The following GAB3 variants were observed in gnomAD, a reference collection of about 807,000 sequenced individuals.
GAB3 encodes GRB2-associated-binding protein 3.
Under a neutral mutation model 40.4 loss-of-function variants are expected in GAB3, and 12 were observed. The observed-to-expected ratio is 0.30, with a 90% confidence interval of 0.19 to 0.48. The LOEUF (loss-of-function observed/expected upper bound fraction) is 0.48. Among genes scored for constraint, GAB3 ranks in the 20% least tolerant of loss-of-function variants. The pLI is 0.99. For missense variants in GAB3, 381 were observed against 461.9 expected (o/e 0.82, Z 1.61); for synonymous variants, 154 against 176.7 (o/e 0.87, Z 1.02).
intron 1 of GAB3, among the ~76,000 whole-genome samples, chrX:154,743,079 G>C (rs1482502374): frequency 9.3e-6 from 1 of 107,608 alleles, no homozygotes; most frequent in African/African-American, 3.4e-5. Context: ...CTGTGGAATG[G>C]GTTCCCAGGA....
intron 8 of GAB3, among the ~76,000 whole-genome samples, chrX:154,690,392 G>A (rs1603423155): frequency 8.9e-6 from 1 of 112,107 alleles, no homozygotes; most frequent in Non-Finnish European, 1.9e-5. Context: ...AAAAGCAATG[G>A]CAACCAAAGC....
rs2070323959 is a variant in GAB3, at chrX:154,678,172, C to CA, written c.*5dup. The CA allele has an allele frequency of 3.8e-6, 4 of 1,046,717 alleles. No homozygotes were observed. The highest frequency in any genetic ancestry group is 5.3e-6 in the Non-Finnish European group (4 of 751,247). The allele number at this position is 1,046,717 out of a possible 1,213,427, so 86.3% of individuals were successfully genotyped here. ...CTGTTTCACACATGGCACAAGCCCGCACCTCTCATACTTTGGATTGCCTTT... is the reference window on the plus strand; with the variant it reads ...CTGTTTCACACATGGCACAAGCCCGCAACCTCTCATACTTTGGATTGCCTTT... On this transcript the variant is annotated 3_prime_UTR_variant, in exon 10 of 10. Transcript: ENST00000424127.
intron 1 of GAB3, among the ~76,000 whole-genome samples, chrX:154,724,736 A>C (rs1169223709): frequency 8.9e-6 from 1 of 112,547 alleles, no homozygotes; most frequent in Non-Finnish European, 1.9e-5. Context: ...GTTTAATCCC[A>C]TTCTTCTGAG....
chrX:154,710,190 G>C (rs1557255292), intron 4 of GAB3, among the ~76,000 whole-genome samples: 1 of 111,713 alleles, frequency 9.0e-6, no homozygotes. Flanking sequence ...CTACAGAAAT[G>C]GAAGCATATT....
intron 1 of GAB3, among the ~76,000 whole-genome samples, chrX:154,724,407 G>A (rs782228414): frequency 9.0e-6 from 1 of 111,236 alleles, no homozygotes; most frequent in Non-Finnish European, 1.9e-5. Flanking sequence ...CAATGTGACT[G>A]TTGGCCCCCA....
At chrX:154,692,020 A>C (rs2070578362) in intron 8 of GAB3, among the ~76,000 whole-genome samples, 1 of 112,091 alleles carries the variant, frequency 8.9e-6, no homozygotes, top group Non-Finnish European at 1.9e-5. Flanking sequence ...TTAACTCAAA[A>C]AAGATCAAAG....
rs1158962125 is a variant in GAB3, at chrX:154,689,568, T to C, written c.1530+6349A>G. ...AAGCTGATAAGCAACTTCAGCAAAG[T>C]CTCAGGATACAAAATCAATGTGCAA... On this transcript the variant is annotated intron_variant, in intron 8 of 9. Coordinates refer to ENST00000424127, the MANE Select transcript of GAB3 (RefSeq NM_001081573.3). Among the ~76,000 whole-genome samples the C allele has an allele frequency of 1.2e-4, 13 of 109,881 alleles. No homozygotes were observed. The East Asian group carries it at 2.6e-3, about 22-fold the overall frequency.
intron 1 of GAB3, among the ~76,000 whole-genome samples, chrX:154,744,541 T>C (rs1357362247): frequency 1.8e-5 from 2 of 111,869 alleles, no homozygotes; most frequent in African/African-American, 6.5e-5. Flanking sequence ...TAAAAACAAA[T>C]AGAACTGGAG....
chrX:154,691,297 T>C (rs782662038), intron 8 of GAB3, among the ~76,000 whole-genome samples: 1 of 100,500 alleles, frequency 1.0e-5, no homozygotes, highest in African/African-American at 3.6e-5. Context: ...AGGGATAGCA[T>C]TGGGAGATAT....
Position 154,736,327 on chromosome X carries a change from T to A in GAB3, c.72+14627A>T, listed in dbSNP as rs185667807. Among the ~76,000 whole-genome samples, 7 of 112,555 alleles carry A rather than the reference T, an allele frequency of 6.2e-5. No individual in the cohort carries two copies. The East Asian group carries it at 1.9e-3, about 31-fold the overall frequency. ...AGAAATAGAATCTCACCATTTGTAA[T>A]CCTTAATGAATTAATCAATTTAAGC... On this transcript the variant is annotated intron_variant, in intron 1 of 9. Coordinates refer to ENST00000424127, the MANE Select transcript of GAB3 (RefSeq NM_001081573.3).
intron 4 of GAB3, among the ~76,000 whole-genome samples, chrX:154,707,746 T>C (rs2070834090): frequency 1.8e-5 from 2 of 111,577 alleles, no homozygotes; most frequent in Non-Finnish European, 3.8e-5. Context: ...CAAGGGTTGT[T>C]AAAGAAAAAA....
At chrX:154,698,462 A>G (rs1031816012) in intron 6 of GAB3, among the ~76,000 whole-genome samples, 12 of 112,058 alleles carry the variant, frequency 1.1e-4, no homozygotes, top group African/African-American at 3.9e-4. Flanking sequence ...TAGACCAGGC[A>G]TGAGTAGGGG....
intron 8 of GAB3, among the ~76,000 whole-genome samples, chrX:154,685,630 G>A (rs946476774): frequency 2.7e-5 from 3 of 111,075 alleles, no homozygotes; most frequent in Admixed American, 9.6e-5. Context: ...CCTAGAGGAA[G>A]GTAAACAAAG....
chrX:154,749,481 A>G (rs1391283605), intron 1 of GAB3, among the ~76,000 whole-genome samples: 4 of 112,338 alleles, frequency 3.6e-5, no homozygotes, highest in Non-Finnish European at 7.5e-5. Context: ...TGATGGGAGC[A>G]GGTTTTCTTC....
At chrX:154,751,284 C>CGGG (rs1247944998), upstream of GAB3, among the ~76,000 whole-genome samples, 33 of 52,163 alleles carry the variant, frequency 6.3e-4, no homozygotes, top group Admixed American at 1.5e-3. Flanking sequence ...CGGCTGTGCC[C>CGGG]GGGGGGGGGG....
chrX:154,729,904 A>G (rs1337975095), intron 1 of GAB3, among the ~76,000 whole-genome samples: 6 of 111,991 alleles, frequency 5.4e-5, no homozygotes, highest in Non-Finnish European at 1.1e-4. Context: ...ATTATTTGAA[A>G]TTAAAGAAGA....
chrX:154,705,216 G>A (rs1199089922), intron 4 of GAB3, among the ~76,000 whole-genome samples: 1 of 111,222 alleles, frequency 9.0e-6, no homozygotes, highest in Non-Finnish European at 1.9e-5. Context: ...GATGAACATA[G>A]ATGCAAAATC....
At chrX:154,738,842 G>A (rs1328042782) in intron 1 of GAB3, among the ~76,000 whole-genome samples, 2 of 111,982 alleles carry the variant, frequency 1.8e-5, no homozygotes, top group Non-Finnish European at 3.8e-5. Context: ...CAGAATCTAA[G>A]TGGCAATCTG....
chrX:154,685,745 T>C (rs1056811981), intron 8 of GAB3, among the ~76,000 whole-genome samples: 5 of 111,415 alleles, frequency 4.5e-5, no homozygotes, highest in African/African-American at 1.3e-4. Flanking sequence ...GAATTAAGAG[T>C]CCATAAAAAA....
Sources: allele counts gnomAD v4.1 joint callset (sites outside exome capture counted in the v4.1 genomes callset), GRCh38; gene constraint gnomAD v4.1.1; transcripts MANE v1.5; gene names NCBI Gene and HGNC (gene_info 2026-07-23, HGNC 2026-07-21).